FMN2: variants seen among roughly 807,000 people sequenced by gnomAD.
FMN2 encodes the protein formin 2.
A neutral mutation model predicts 142.3 loss-of-function variants in FMN2; 51 were observed. The observed-to-expected ratio is 0.36, with a 90% CI of 0.29 to 0.45. The LOEUF (loss-of-function observed/expected upper bound fraction) is 0.45. Among genes scored for constraint, FMN2 ranks in the 20% least tolerant of loss-of-function variants. FMN2 has a pLI of 1.00. For missense variants in FMN2, 1,936 were observed against 2,122.8 expected, an observed-to-expected ratio of 0.91 and a Z score of 1.73; for synonymous variants, 882 against 869.8, an observed-to-expected ratio of 1.01 and a Z score of -0.25.
At chr1:240,252,001 C>T (rs1278614097) in intron 6 of FMN2, among the ~76,000 whole-genome samples, 1 of 152,136 alleles carries the variant, frequency 6.6e-6, no homozygotes, top group East Asian at 1.9e-4. Flanking sequence ...CTCCGCCTCC[C>T]GGGTTAAAGC....
chr1:240,293,561 G>A (rs192243259), intron 7 of FMN2, among the ~76,000 whole-genome samples: 1 of 152,096 alleles, frequency 6.6e-6, no homozygotes. Flanking sequence ...ATTAATTTTT[G>A]AAATATAGTC....
At chr1:240,398,936 G>A (rs1673880419) in intron 15 of FMN2, among the ~76,000 whole-genome samples, 1 of 152,076 alleles carries the variant, frequency 6.6e-6, no homozygotes, top group South Asian at 2.1e-4. Context: ...ACCAGAGTCA[G>A]ATTTCAGACT....
At chr1:240,124,530 G>T (rs1272596562) in intron 2 of FMN2, among the ~76,000 whole-genome samples, 1 of 152,134 alleles carries the variant, frequency 6.6e-6, no homozygotes, top group African/African-American at 2.4e-5. Flanking sequence ...TCAGGTATGT[G>T]GTATGTGTGT....
intron 2 of FMN2, 71 bp downstream of exon 2, chr1:240,123,416 G>A (rs3738433): frequency 0.083 from 122,449 of 1,474,022 alleles, 5,725 homozygotes; most frequent in Admixed American, 0.16. Flanking sequence ...ATGTGTATCT[G>A]CCCAGTCACC....
intron 2 of FMN2, among the ~76,000 whole-genome samples, chr1:240,159,194 T>TG (rs974852930): frequency 7.2e-6 from 1 of 138,086 alleles, no homozygotes; most frequent in African/African-American, 3.3e-5. Flanking sequence ...TTTTTCTGTG[T>TG]TTTTTTTTTA....
chr1:240,161,859 A>G (rs868652766), intron 2 of FMN2, among the ~76,000 whole-genome samples: 6 of 152,338 alleles, frequency 3.9e-5, no homozygotes, highest in South Asian at 2.1e-4. Flanking sequence ...TAAAATAACA[A>G]ACCTTCTGGA....
chr1:240,281,708 A>C (rs1481035783), intron 7 of FMN2, among the ~76,000 whole-genome samples: 3 of 151,780 alleles, frequency 2.0e-5, no homozygotes, highest in Non-Finnish European at 4.4e-5. Context: ...AATTAGCAAA[A>C]TTTAAAATAC....
At chr1:240,126,942 G>A (rs926728669) in intron 2 of FMN2, among the ~76,000 whole-genome samples, 3 of 152,014 alleles carry the variant, frequency 2.0e-5, no homozygotes, top group African/African-American at 4.8e-5. Flanking sequence ...GAGCGCAGAG[G>A]GGAGCCTGTG....
intron 4 of FMN2, among the ~76,000 whole-genome samples, chr1:240,194,141 TCTA>T (rs1255060383): frequency 1.4e-5 from 2 of 146,936 alleles, no homozygotes; most frequent in African/African-American, 2.5e-5. Flanking sequence ...TTTTTAAAAA[TCTA>T]CTTCTATTTT....
rs1216835213 is a variant in FMN2 at position 240,183,133 on chromosome 1, G to T, written c.1930+5065G>T. On this transcript the variant is annotated intron_variant, in intron 3 of 17. Transcript: ENST00000319653. The stretch of plus-strand genomic sequence containing the variant: ...AGGTTTTGTCATGTAGCTCAGGCTG[G>T]TGTTGAACTCTGGGCTTAAGTGATC... Among the ~76,000 whole-genome samples, 3 of 151,370 alleles carry T rather than the reference G, an allele frequency of 2.0e-5. 1 individual carries two copies. The highest frequency in any genetic ancestry group is 1.9e-4 in the East Asian group (1 of 5,164).
intron 8 of FMN2, among the ~76,000 whole-genome samples, chr1:240,318,545 G>A (rs12023949): frequency 0.15 from 23,555 of 152,014 alleles, 1,849 homozygotes; most frequent in South Asian, 0.23. Context: ...CTGTGAGGTC[G>A]TTGGCCAGTC....
chr1:240,310,433 G>T (rs972888931), intron 8 of FMN2, among the ~76,000 whole-genome samples: 1 of 152,110 alleles, frequency 6.6e-6, no homozygotes, highest in African/African-American at 2.4e-5. Context: ...TTCTAGATGT[G>T]AATGAATCTT....
intron 2 of FMN2, among the ~76,000 whole-genome samples, chr1:240,155,179 C>A (rs1251232763): frequency 1.3e-5 from 2 of 152,052 alleles, no homozygotes; most frequent in East Asian, 3.9e-4. Context: ...TGTGAGCAAC[C>A]ACACCTGGCC....
chr1:240,465,624 G>T lies in FMN2; in HGVS notation c.5061-6748G>T, dbSNP rs190015299. Reference sequence around the variant, plus strand: ...TCCCATGCTGGGAGATTCCATAGGCGAACAGGGCTACTTCCAGCAAGCCGA... The same window carrying T: ...TCCCATGCTGGGAGATTCCATAGGCTAACAGGGCTACTTCCAGCAAGCCGA... On this transcript the variant is annotated intron_variant, in intron 16 of 17. Transcript: ENST00000319653. Among the ~76,000 whole-genome samples, 29 of 152,182 alleles carry T rather than the reference G, an allele frequency of 1.9e-4. No individual in the cohort carries two copies. In the South Asian group the frequency reaches 5.6e-3, roughly 29 times the overall value.
At chr1:240,235,584 A>C (rs1667682694) in intron 6 of FMN2, among the ~76,000 whole-genome samples, 1 of 133,032 alleles carries the variant, frequency 7.5e-6, no homozygotes, top group Non-Finnish European at 1.8e-5. Flanking sequence ...GCTAATTAAA[A>C]ATTTTTTATT....
chr1:240,342,553 C>G (rs1671778269), intron 13 of FMN2, among the ~76,000 whole-genome samples: 1 of 152,078 alleles, frequency 6.6e-6, no homozygotes, highest in Non-Finnish European at 1.5e-5. Context: ...AATATAGATT[C>G]AGATTTATAA....
chr1:240,130,889 C>T (rs556877714), intron 2 of FMN2, among the ~76,000 whole-genome samples: 1 of 152,074 alleles, frequency 6.6e-6, no homozygotes, highest in African/African-American at 2.4e-5. Flanking sequence ...TCCGCTTGTA[C>T]TTCTCAGCTC....
At chr1:240,364,943 G>C (rs1672612641) in intron 14 of FMN2, among the ~76,000 whole-genome samples, 1 of 152,190 alleles carries the variant, frequency 6.6e-6, no homozygotes, top group African/African-American at 2.4e-5. Context: ...AAGACAGAAA[G>C]CTTGGCCTCA....
intron 2 of FMN2, among the ~76,000 whole-genome samples, chr1:240,129,014 T>C (rs1220081454): frequency 6.6e-6 from 1 of 151,926 alleles, no homozygotes; most frequent in Non-Finnish European, 1.5e-5. Context: ...GCTGGGATTA[T>C]AGGCAGGCAC....
Sources: gnomAD v4.1 joint callset for allele counts (sites outside exome capture counted in the v4.1 genomes callset) on GRCh38, gnomAD v4.1.1 for gene constraint, MANE v1.5 for transcripts, NCBI Gene and HGNC (gene_info 2026-07-23, HGNC 2026-07-21) for gene names.